IGFBP7: variants seen among roughly 807,000 people sequenced by gnomAD.
IGFBP7 encodes insulin-like growth factor-binding protein 7.
In IGFBP7, 31 loss-of-function variants were observed where a neutral mutation model predicts 29.4. The ratio of observed to expected loss-of-function variants is 1.05; its 90% CI spans 0.79 to 1.42. The LOEUF (loss-of-function observed/expected upper bound fraction) is 1.42. Among genes scored for constraint, IGFBP7 ranks in the 40% most tolerant of loss-of-function variants. The pLI, the probability that IGFBP7 is intolerant of heterozygous loss-of-function variation, is 0.00. For synonymous variants in IGFBP7, 172 were observed against 174.9 expected, an observed-to-expected ratio of 0.98 and a Z score of 0.13; for missense variants, 393 against 395.5, an observed-to-expected ratio of 0.99 and a Z score of 0.05.
At chr4:57,041,001 G>C in intron 1 of IGFBP7, 68 bp from the exon 2 acceptor site, 4 of 1,024,098 alleles carry the variant, frequency 3.9e-6, no homozygotes, top group Non-Finnish European at 6.1e-6. Flanking sequence ...GCATCTTAGG[G>C]AGAAAATAAT....
intron 1 of IGFBP7, among the ~76,000 whole-genome samples, chr4:57,084,979 G>T (rs1439391236): frequency 6.6e-6 from 1 of 151,628 alleles, no homozygotes; most frequent in African/African-American, 2.4e-5. Context: ...AATGGATACA[G>T]GGTCTCACTA....
intron 1 of IGFBP7, among the ~76,000 whole-genome samples, chr4:57,057,622 G>C (rs1257783518): frequency 6.6e-6 from 1 of 152,150 alleles, no homozygotes; most frequent in Non-Finnish European, 1.5e-5. Flanking sequence ...ATTGGCCTTG[G>C]AGCTGCTGTT....
chr4:57,097,304 G>T (rs2109800766), intron 1 of IGFBP7, among the ~76,000 whole-genome samples: 1 of 152,334 alleles, frequency 6.6e-6, no homozygotes, highest in Non-Finnish European at 1.5e-5. Context: ...ATCCTGGGTG[G>T]TTCCCATTAG....
chr4:57,049,989 T>A (rs772440166), intron 1 of IGFBP7, among the ~76,000 whole-genome samples: 1 of 152,194 alleles, frequency 6.6e-6, no homozygotes, highest in Non-Finnish European at 1.5e-5. Context: ...TTATTAATCA[T>A]GATTTTCTTT....
At chr4:57,089,415 AT>A (rs1383993404) in intron 1 of IGFBP7, among the ~76,000 whole-genome samples, 2 of 152,158 alleles carry the variant, frequency 1.3e-5, no homozygotes, top group Non-Finnish European at 2.9e-5. Flanking sequence ...GTGAAATGTC[AT>A]TTCAAAATGG....
chr4:57,108,710 GTA>G (rs976819156), intron 1 of IGFBP7, among the ~76,000 whole-genome samples: 1 of 151,248 alleles, frequency 6.6e-6, no homozygotes, highest in African/African-American at 2.4e-5. Context: ...CCCAGCTAAT[GTA>G]TATATATATA....
chr4:57,071,204 TG>T (rs34917245), intron 1 of IGFBP7, among the ~76,000 whole-genome samples: 32,850 of 152,068 alleles, frequency 0.22, 3,665 homozygotes, highest in Middle Eastern at 0.25. Flanking sequence ...TTTGATATAT[TG>T]GGGGGGAATG....
chr4:57,097,486 T>G (rs969235352), intron 1 of IGFBP7, among the ~76,000 whole-genome samples: 1 of 152,212 alleles, frequency 6.6e-6, no homozygotes, highest in African/African-American at 2.4e-5. Flanking sequence ...TGGGAACACA[T>G]GAGGCAGTAT....
At chr4:57,037,546 T>C (rs1289411832) in intron 2 of IGFBP7, among the ~76,000 whole-genome samples, 1 of 151,948 alleles carries the variant, frequency 6.6e-6, no homozygotes, top group African/African-American at 2.4e-5. Flanking sequence ...CAGCCTCAAC[T>C]GCCTTGGTGT....
chr4:57,094,211 G>A (rs1257819241), intron 1 of IGFBP7, among the ~76,000 whole-genome samples: 1 of 152,162 alleles, frequency 6.6e-6, no homozygotes, highest in African/African-American at 2.4e-5. Context: ...CACTGGATGT[G>A]AGTGATGGAA....
At chr4:57,073,716 G>A (rs946801014) in intron 1 of IGFBP7, among the ~76,000 whole-genome samples, 1 of 152,186 alleles carries the variant, frequency 6.6e-6, no homozygotes, top group Non-Finnish European at 1.5e-5. Context: ...AGCCCCCTAA[G>A]CTTCCACAAC....
intron 1 of IGFBP7, among the ~76,000 whole-genome samples, chr4:57,060,568 C>T (rs1724775680): frequency 6.6e-6 from 1 of 152,068 alleles, no homozygotes; most frequent in Non-Finnish European, 1.5e-5. Context: ...TACCCCAGTT[C>T]GTTATCCATT....
At chr4:57,051,839 G>T (rs1724510908) in intron 1 of IGFBP7, among the ~76,000 whole-genome samples, 1 of 152,172 alleles carries the variant, frequency 6.6e-6, no homozygotes, top group Non-Finnish European at 1.5e-5. Flanking sequence ...CCTGGCATGG[G>T]GTAAACATTC....
chr4:57,040,672 C>G (rs11573108), intron 2 of IGFBP7, 152 bp downstream of exon 2: 12 of 662,876 alleles, frequency 1.8e-5, no homozygotes, highest in Non-Finnish European at 3.3e-5. Flanking sequence ...TTCCATGAAT[C>G]CAGGGGAGGG....
intron 1 of IGFBP7, among the ~76,000 whole-genome samples, chr4:57,085,008 C>T (rs1009956661): frequency 4.0e-5 from 6 of 151,782 alleles, no homozygotes; most frequent in Non-Finnish European, 5.9e-5. Context: ...GGGCTGGTCT[C>T]GAACTCCTGG....
At chr4:57,077,360 C>T (rs948956586) in intron 1 of IGFBP7, among the ~76,000 whole-genome samples, 1 of 152,142 alleles carries the variant, frequency 6.6e-6, no homozygotes, top group African/African-American at 2.4e-5. Context: ...TCACTGCAAC[C>T]TCCATCTCCC....
chr4:57,071,517 C>T (rs148750797), intron 1 of IGFBP7, among the ~76,000 whole-genome samples: 265 of 152,304 alleles, frequency 1.7e-3, no homozygotes, highest in Non-Finnish European at 3.0e-3. Context: ...TAACACTGGC[C>T]ATGTTGCAAC....
At chr4:57,072,964 C>T (rs1213837203) in intron 1 of IGFBP7, 6 of 818,464 alleles carry the variant, frequency 7.3e-6, no homozygotes, top group Admixed American at 3.5e-5. Context: ...AGTGGTCTGC[C>T]CTGTATGATG....
At chr4:57,046,060 T>C (rs1273720591) in intron 1 of IGFBP7, among the ~76,000 whole-genome samples, 2 of 152,034 alleles carry the variant, frequency 1.3e-5, no homozygotes, top group Non-Finnish European at 2.9e-5. Flanking sequence ...ACAGAAGTTT[T>C]AGAGAAAGGT....
Sources: gnomAD v4.1 joint callset for allele counts (sites outside exome capture counted in the v4.1 genomes callset) on GRCh38, gnomAD v4.1.1 for gene constraint, MANE v1.5 for transcripts, NCBI Gene and HGNC (gene_info 2026-07-23, HGNC 2026-07-21) for gene names.